PARD3: variants seen among roughly 807,000 people sequenced by gnomAD.
The protein encoded by PARD3 is par-3 family cell polarity regulator.
PARD3 carries 75 observed loss-of-function variants against 155.4 expected under a neutral mutation model. The observed-to-expected ratio is 0.48, with a 90% CI of 0.40 to 0.58. The LOEUF (loss-of-function observed/expected upper bound fraction) is 0.58, where lower values mean the gene tolerates loss of function less well. Ranked by LOEUF, PARD3 falls within the 20% of genes least tolerant of loss-of-function variation. PARD3 has a pLI of 0.00. For synonymous variants in PARD3, 576 were observed against 610.5 expected (o/e 0.94, Z 0.83); for missense variants, 1,642 against 1,721.7 (o/e 0.95, Z 0.82).
chr10:34,734,943 C>T (rs1363084075), intron 1 of PARD3, among the ~76,000 whole-genome samples: 2 of 142,912 alleles, frequency 1.4e-5, no homozygotes, highest in African/African-American at 5.2e-5. Flanking sequence ...AATATATTTT[C>T]AATGTGTACT....
At position 34,218,627 on chromosome 10, in the gene PARD3, T is replaced by A. The variant is rs1042850359; in HGVS notation, c.3419+51030A>T. 2.0e-5 allele frequency among the ~76,000 whole-genome samples: 3 copies of A among 152,148 alleles called. No homozygotes were observed. In the East Asian group the frequency reaches 5.8e-4, roughly 29 times the overall value. On this transcript the variant is annotated intron_variant, in intron 22 of 24. Coordinates refer to ENST00000374788, the MANE Select transcript of PARD3 (RefSeq NM_001184785.2). ...TCCAAGAGAAAAACAAATTTTTTTT[T>A]GAAGTTTTCAAATTTATTTTAAAGA...
intron 2 of PARD3, among the ~76,000 whole-genome samples, chr10:34,573,716 CAAACAAACAAACAAACAAAA>C (rs1404743024): frequency 2.5e-5 from 3 of 117,844 alleles, no homozygotes; most frequent in African/African-American, 1.2e-4. Flanking sequence ...CAAAAACAAA[CAAACAAACAAACAAACAAAA>C]ACACACACAC....
chr10:34,156,443 T>C (rs553319247), intron 22 of PARD3, among the ~76,000 whole-genome samples: 2 of 152,310 alleles, frequency 1.3e-5, no homozygotes, highest in Admixed American at 6.5e-5. Flanking sequence ...TAGATTTTGC[T>C]GAACATCACA....
chr10:34,240,335 CTG>C (rs1953502073), intron 22 of PARD3, among the ~76,000 whole-genome samples: 2 of 152,164 alleles, frequency 1.3e-5, no homozygotes, highest in African/African-American at 2.4e-5. Context: ...GTGCAAATAA[CTG>C]TATGTGTCTA....
In PARD3 at chr10:34,110,957, G is replaced by A. The variant is rs1366278895; in HGVS notation, c.*212C>T. 2.1e-6 allele frequency: 1 copy of A among 484,918 alleles called. No homozygotes were observed. Among genetic ancestry groups the A allele is most frequent in the East Asian group, 3.1e-5 (1 of 31,812 alleles). The allele number at this position is 484,918 out of a possible 1,614,324, so 30.0% of individuals were successfully genotyped here. On this transcript the variant is annotated 3_prime_UTR_variant, in exon 25 of 25. Coordinates refer to ENST00000374788, the MANE Select transcript of PARD3 (RefSeq NM_001184785.2). ...ACCTCAAACAGATGATTGTCACAGGGTGGGAAATCCTTCCATGAAACAGAC... is the reference window on the plus strand; with the variant it reads ...ACCTCAAACAGATGATTGTCACAGGATGGGAAATCCTTCCATGAAACAGAC...
intron 1 of PARD3, among the ~76,000 whole-genome samples, chr10:34,774,364 A>G (rs1486905104): frequency 6.6e-6 from 1 of 152,216 alleles, no homozygotes; most frequent in East Asian, 1.9e-4. Flanking sequence ...TTACTTAAAT[A>G]GCACACACAG....
At chr10:34,304,151 G>GA (rs1957287481) in intron 20 of PARD3, among the ~76,000 whole-genome samples, 1 of 152,116 alleles carries the variant, frequency 6.6e-6, no homozygotes, top group African/African-American at 2.4e-5. Flanking sequence ...TGTGAAGAGG[G>GA]AGAGGAATGA....
intron 12 of PARD3, among the ~76,000 whole-genome samples, chr10:34,363,295 T>G (rs542160471): frequency 6.7e-6 from 1 of 148,782 alleles, no homozygotes; most frequent in East Asian, 2.0e-4. Flanking sequence ...TGAACCTGTT[T>G]TAAAGAAGAG....
intron 1 of PARD3, among the ~76,000 whole-genome samples, chr10:34,747,066 T>C (rs1290051998): frequency 6.6e-6 from 1 of 152,348 alleles, no homozygotes; most frequent in Middle Eastern, 3.4e-3. Context: ...GGAAACCAAG[T>C]ATCTTCAATT....
In PARD3 at chr10:34,138,572, G is replaced by T. The variant is rs997412753; in HGVS notation, c.3420-6989C>A. ...TCTGGCAGAGATTGATGACCTGCTG[G>T]GATCTGGGTCAAACACACAACTCAC... On this transcript the variant is annotated intron_variant, in intron 22 of 24. Transcript: ENST00000374788. Among the ~76,000 whole-genome samples the T allele has an allele frequency of 9.2e-5, 14 of 152,210 alleles. No homozygotes were observed. The East Asian group carries it at 1.5e-3, about 17-fold the overall frequency.
chr10:34,556,793 C>T (rs918887355), intron 2 of PARD3, among the ~76,000 whole-genome samples: 1 of 152,182 alleles, frequency 6.6e-6, no homozygotes, highest in African/African-American at 2.4e-5. Context: ...CATAAAACCA[C>T]ACAAACCGTT....
intron 2 of PARD3, among the ~76,000 whole-genome samples, chr10:34,524,813 A>G (rs543484707): frequency 6.6e-6 from 1 of 152,314 alleles, no homozygotes; most frequent in African/African-American, 2.4e-5. Context: ...AACTGGAGGA[A>G]GTGGCACGAG....
chr10:34,344,905 T>C (rs1837241912), intron 15 of PARD3: 1 of 985,292 alleles, frequency 1.0e-6, no homozygotes, highest in Non-Finnish European at 1.2e-6. Flanking sequence ...AGTTAATTAA[T>C]GTATTTGCTC....
At chr10:34,471,466 A>C (rs954369066) in intron 3 of PARD3, among the ~76,000 whole-genome samples, 12 of 152,198 alleles carry the variant, frequency 7.9e-5, no homozygotes, top group African/African-American at 2.9e-4. Context: ...CAAAAACATA[A>C]GACAAAATTT....
intron 1 of PARD3, among the ~76,000 whole-genome samples, chr10:34,721,716 G>A (rs992039306): frequency 6.6e-6 from 1 of 152,210 alleles, no homozygotes; most frequent in Non-Finnish European, 1.5e-5. Context: ...AAAATAAAGT[G>A]AGATCCATTC....
intron 1 of PARD3, among the ~76,000 whole-genome samples, chr10:34,710,614 T>G (rs1425051891): frequency 6.6e-6 from 1 of 152,158 alleles, no homozygotes. Context: ...AATCCAGTGT[T>G]CTTGGCCAAG....
chr10:34,337,487 G>T, intron 16 of PARD3, 61 bp from the exon 17 acceptor site: 1 of 1,160,486 alleles, frequency 8.6e-7, no homozygotes, highest in Non-Finnish European at 1.2e-6. Flanking sequence ...ATCCATTTTA[G>T]GGAGGTTCAT....
At chr10:34,176,947 TTGTG>T (rs55740137) in intron 22 of PARD3, among the ~76,000 whole-genome samples, 62,377 of 149,430 alleles carry the variant, frequency 0.42, 13,690 homozygotes, top group Non-Finnish European at 0.5. Context: ...GAGAAGCAGG[TTGTG>T]TGTGTGTGTG....
chr10:34,280,538 G>C (rs1433999071), intron 21 of PARD3, among the ~76,000 whole-genome samples: 1 of 152,172 alleles, frequency 6.6e-6, no homozygotes, highest in Non-Finnish European at 1.5e-5. Context: ...GAAAAAGGAG[G>C]AGCAGTGGTA....
Sources: gnomAD v4.1 joint callset for allele counts (sites outside exome capture counted in the v4.1 genomes callset) on GRCh38, gnomAD v4.1.1 for gene constraint, MANE v1.5 for transcripts, NCBI Gene and HGNC (gene_info 2026-07-23, HGNC 2026-07-21) for gene names.